Variants in LARGE1 observed in about 807,000 individuals in gnomAD.
LARGE1 encodes the protein LARGE xylosyl- and glucuronyltransferase 1.
A neutral mutation model predicts 87.6 loss-of-function variants in LARGE1; 43 were observed. The observed-to-expected ratio is 0.49, with a 90% CI of 0.38 to 0.63. The LOEUF (loss-of-function observed/expected upper bound fraction) is 0.63, where lower values mean the gene tolerates loss of function less well. LARGE1 is among the 30% of genes least tolerant of loss of function. LARGE1 has a pLI of 0.00. For synonymous variants in LARGE1, 434 were observed against 394.6 expected, an observed-to-expected ratio of 1.10 and a Z score of -1.18; for missense variants, 802 against 1,000.2, an observed-to-expected ratio of 0.80 and a Z score of 2.67.
chr22:33,853,213 C>T (rs2063662207), intron 1 of LARGE1, among the ~76,000 whole-genome samples: 1 of 152,110 alleles, frequency 6.6e-6, no homozygotes, highest in South Asian at 2.1e-4. Flanking sequence ...CCAGGTGGAA[C>T]GTGGGTCTGC....
At chr22:33,450,603 TTAAATAAATAAATAAA>T (rs10605303) in intron 6 of LARGE1, among the ~76,000 whole-genome samples, 18 of 149,294 alleles carry the variant, frequency 1.2e-4, no homozygotes, top group African/African-American at 3.2e-4. Context: ...CAAGATTCTG[TTAAATAAATAAATAAA>T]TAAATAAATA....
chr22:33,246,371 C>T (rs1202370664), intron 11 of LARGE1, among the ~76,000 whole-genome samples: 3 of 152,172 alleles, frequency 2.0e-5, no homozygotes, highest in South Asian at 2.1e-4. Context: ...AGTGGCCAGG[C>T]GCGGTGGCTC....
chr22:33,833,494 G>T (rs139977785), intron 1 of LARGE1, among the ~76,000 whole-genome samples: 1 of 152,144 alleles, frequency 6.6e-6, no homozygotes, highest in East Asian at 1.9e-4. Context: ...ACAAGCCAAG[G>T]AGAGAGGCCC....
At chr22:33,642,290 T>C (rs1008029292) in intron 3 of LARGE1, among the ~76,000 whole-genome samples, 7 of 152,170 alleles carry the variant, frequency 4.6e-5, no homozygotes, top group Non-Finnish European at 8.8e-5. Context: ...CTGTGTTTCA[T>C]AAGCAAAGGA....
At chr22:33,136,186 C>T in the LARGE1 span, among the ~76,000 whole-genome samples, 1 of 152,164 alleles carries the variant, frequency 6.6e-6, no homozygotes, top group Non-Finnish European at 1.5e-5. Context: ...GCTATGCCAA[C>T]TGTATTAGTC....
chr22:33,516,917 T>C (rs2071334438), intron 6 of LARGE1, among the ~76,000 whole-genome samples: 1 of 152,188 alleles, frequency 6.6e-6, no homozygotes, highest in East Asian at 1.9e-4. Context: ...CTGTCCCCTG[T>C]TTACTAGACA....
At chr22:33,462,110 G>C (rs1034130964) in intron 6 of LARGE1, among the ~76,000 whole-genome samples, 2 of 152,116 alleles carry the variant, frequency 1.3e-5, no homozygotes, top group African/African-American at 4.8e-5. Flanking sequence ...TATGATAAAA[G>C]AACAAGAAAA....
intron 12 of LARGE1, among the ~76,000 whole-genome samples, chr22:33,298,033 G>A (rs1029951797): frequency 3.3e-5 from 5 of 150,660 alleles, no homozygotes; most frequent in Admixed American, 3.3e-4. Context: ...AGTGAAAGGT[G>A]TCAGAAACCT....
intron 13 of LARGE1, 103 bp downstream of exon 13, chr22:33,283,099 A>G: frequency 6.9e-7 from 1 of 1,443,142 alleles, no homozygotes; most frequent in Admixed American, 1.7e-5. Context: ...CAATGGACTA[A>G]GGCGAGCGAC....
At chr22:33,792,685 A>T (rs781210309) in intron 1 of LARGE1, among the ~76,000 whole-genome samples, 1 of 152,182 alleles carries the variant, frequency 6.6e-6, no homozygotes, top group Non-Finnish European at 1.5e-5. Context: ...ACAAAAAAAA[A>T]CAAAGCACAG....
chr22:33,405,143 T>A lies in LARGE1; in HGVS notation c.893-20839A>T, dbSNP rs539232720. Among the ~76,000 whole-genome samples the A allele has an allele frequency of 1.4e-4, 22 of 152,340 alleles. 1 individual carries two copies. In the South Asian group the frequency reaches 4.6e-3, roughly 32 times the overall value. Reference sequence around the variant, plus strand: ...GAAAGATCGTCCTGCATTCAGTAGATCCCTACAAGGACATTGCATGATTGC... The same window carrying A: ...GAAAGATCGTCCTGCATTCAGTAGAACCCTACAAGGACATTGCATGATTGC... On this transcript the variant is annotated intron_variant, in intron 7 of 14. Coordinates refer to ENST00000397394, the MANE Select transcript of LARGE1 (RefSeq NM_133642.5).
chr22:33,381,843 C>T lies in LARGE1; in HGVS notation c.1131+76G>A. Reference sequence around the variant, plus strand: ...CTCACCACATTGCACATAAATCTCCCAGCCATCCATGCCCCTGGGAGGTCC... The same window carrying T: ...CTCACCACATTGCACATAAATCTCCTAGCCATCCATGCCCCTGGGAGGTCC... On this transcript the variant is annotated intron_variant, in intron 9 of 14. Coordinates refer to ENST00000397394, the MANE Select transcript of LARGE1 (RefSeq NM_133642.5). The T allele has an allele frequency of 2.5e-6, 4 of 1,587,310 alleles. No individual in the cohort carries two copies. In the South Asian group the frequency reaches 3.3e-5, roughly 13 times the overall value.
intron 11 of LARGE1, among the ~76,000 whole-genome samples, chr22:33,198,573 G>A (rs1243658844): frequency 7.1e-6 from 1 of 141,184 alleles, no homozygotes; most frequent in African/African-American, 2.7e-5. Flanking sequence ...TACCCAGTAG[G>A]TGATTTTTCA....
intron 5 of LARGE1, among the ~76,000 whole-genome samples, chr22:33,595,442 G>T (rs572166958): frequency 6.6e-6 from 1 of 152,162 alleles, no homozygotes; most frequent in East Asian, 1.9e-4. Context: ...GCTGTGATTT[G>T]CAGAACCACA....
At chr22:33,381,310 C>T (rs1457342417) in intron 9 of LARGE1, among the ~76,000 whole-genome samples, 2 of 152,198 alleles carry the variant, frequency 1.3e-5, no homozygotes, top group African/African-American at 4.8e-5. Flanking sequence ...CAGTAGATGA[C>T]TAATATACCC....
At chr22:33,139,563 C>G in the LARGE1 span, among the ~76,000 whole-genome samples, 2 of 152,088 alleles carry the variant, frequency 1.3e-5, no homozygotes, top group African/African-American at 4.8e-5. Flanking sequence ...CAAATTTACT[C>G]TTATACCCCT....
chr22:33,748,613 A>G (rs948361425), intron 2 of LARGE1, among the ~76,000 whole-genome samples: 1 of 152,196 alleles, frequency 6.6e-6, no homozygotes, highest in Admixed American at 6.5e-5. Context: ...TAAGTGACTC[A>G]ATGTGGACAC....
At chr22:33,207,930 T>G (rs1924766932) in intron 11 of LARGE1, among the ~76,000 whole-genome samples, 1 of 152,160 alleles carries the variant, frequency 6.6e-6, no homozygotes. Context: ...TACTCCATAT[T>G]TTCACAAATT....
chr22:33,497,076 T>TC (rs1193168238), intron 6 of LARGE1, among the ~76,000 whole-genome samples: 2 of 150,598 alleles, frequency 1.3e-5, no homozygotes, highest in African/African-American at 2.4e-5. Flanking sequence ...CTTTTCTTTT[T>TC]TTTTTTTTTT....
Sources: allele counts gnomAD v4.1 joint callset (sites outside exome capture counted in the v4.1 genomes callset), GRCh38; gene constraint gnomAD v4.1.1; transcripts MANE v1.5; gene names NCBI Gene and HGNC (gene_info 2026-07-23, HGNC 2026-07-21).